The following WDSUB1 variants were observed in gnomAD, a reference collection of about 807,000 sequenced individuals.
WDSUB1 encodes WD repeat, SAM and U-box domain-containing protein 1.
WDSUB1 carries 49 observed loss-of-function variants against 53.9 expected under a neutral mutation model. The ratio of observed to expected loss-of-function variants is 0.91; its 90% confidence interval spans 0.72 to 1.15. The LOEUF is 1.15. WDSUB1 is among the 50% of genes most tolerant of loss of function. WDSUB1 has a pLI of 0.00. For missense variants in WDSUB1, 514 were observed against 562.0 expected (o/e 0.91, Z 0.86); for synonymous variants, 194 against 200.6 (o/e 0.97, Z 0.28).
rs566233010 is a variant in WDSUB1, at chr2:159,255,294, T to C, written c.1132+902A>G. Among the ~76,000 whole-genome samples the C allele has an allele frequency of 1.5e-3, 226 of 151,938 alleles. 1 individual carries two copies. Among genetic ancestry groups the C allele is most frequent in the Middle Eastern group, 0.014 (4 of 292 alleles). On this transcript the variant is annotated intron_variant, in intron 9 of 10. Coordinates refer to ENST00000359774, the MANE Select transcript of WDSUB1 (RefSeq NM_001128212.3). ...CATCCTGGCTAACATGGTGAAACCC[T>C]GTCTTTACTAAAAATATAAAAAATT...
rs777533099 is a variant in WDSUB1 at position 159,283,113 on chromosome 2, AAAGATT to A, written c.-24-26_-24-21del. On this transcript the variant is annotated intron_variant, in intron 1 of 10. Coordinates refer to ENST00000359774, the MANE Select transcript of WDSUB1 (RefSeq NM_001128212.3). ...AACAGCCTGAAATTTTTAAGCAGAT[AAAGATT>A]ATTTATTCTAGGAATCAGATACATG... The A allele has an allele frequency of 1.3e-6, 2 of 1,557,184 alleles. No individual in the cohort carries two copies. The highest frequency in any genetic ancestry group is 2.7e-5 in the African/African-American group (2 of 73,186).
chr2:159,273,680 A>G (rs536312464), intron 4 of WDSUB1, among the ~76,000 whole-genome samples: 1 of 152,292 alleles, frequency 6.6e-6, no homozygotes, highest in South Asian at 2.1e-4. Flanking sequence ...TCAGCCTCCC[A>G]AAGTGCTGGG....
intron 5 of WDSUB1, among the ~76,000 whole-genome samples, chr2:159,266,424 A>G (rs530946873): frequency 3.4e-4 from 51 of 152,226 alleles, no homozygotes; most frequent in Admixed American, 2.6e-3. Flanking sequence ...TCCTGACCTC[A>G]TGATCCGCCC....
chr2:159,248,450 A>G lies in WDSUB1; in HGVS notation c.1195T>C (p.Ser399Pro), dbSNP rs369480601. The G allele has an allele frequency of 6.2e-7, 1 of 1,604,240 alleles. No homozygotes were observed. The highest frequency in any genetic ancestry group is 8.5e-7 in the Non-Finnish European group (1 of 1,176,764). Reference sequence around the variant, plus strand: ...TCATCAGGAATTCCTGAAGAAAGGGATTTAACCTTGGTCCTGAGCTCTTCA... The same window carrying G: ...TCATCAGGAATTCCTGAAGAAAGGGGTTTAACCTTGGTCCTGAGCTCTTCA... ...KIEELRTKVK[S>P]LSSGIPDEFI... is the part of the protein sequence containing the mutation. The change falls in exon 10 of 11, where the codon TCC becomes CCC. Residue 399 changes from serine (S) to proline (P), a missense_variant. Coordinates refer to ENST00000359774, the MANE Select transcript of WDSUB1 (RefSeq NM_001128212.3).
chr2:159,245,688 A>G (rs1318555643), intron 10 of WDSUB1, among the ~76,000 whole-genome samples: 2 of 152,198 alleles, frequency 1.3e-5, no homozygotes, highest in South Asian at 2.1e-4. Context: ...TGATTTCTCA[A>G]TAAGTGATGC....
chr2:159,259,215 A>G (rs1206725635), intron 6 of WDSUB1, among the ~76,000 whole-genome samples: 4 of 151,970 alleles, frequency 2.6e-5, no homozygotes, highest in Admixed American at 2.6e-4. Context: ...GGTAGAGATG[A>G]GGTTTCACCA....
Position 159,268,321 on chromosome 2 carries a change from A to T in WDSUB1, c.770+3381T>A, listed in dbSNP as rs182076448. Among the ~76,000 whole-genome samples the T allele has an allele frequency of 3.9e-3, 570 of 146,310 alleles. 6 individuals are homozygous for T. The highest frequency in any genetic ancestry group is 0.013 in the African/African-American group (543 of 41,410). On this transcript the variant is annotated intron_variant, in intron 5 of 10. Coordinates refer to ENST00000359774, the MANE Select transcript of WDSUB1 (RefSeq NM_001128212.3). ...TGGGCACATAATCATTCTGTCAGCTAACCTGTCCCCTAACACAGCAGACAG... is the reference window on the plus strand; with the variant it reads ...TGGGCACATAATCATTCTGTCAGCTTACCTGTCCCCTAACACAGCAGACAG...
intron 2 of WDSUB1, among the ~76,000 whole-genome samples, chr2:159,282,012 A>T (rs926755144): frequency 6.6e-6 from 1 of 152,156 alleles, no homozygotes; most frequent in Non-Finnish European, 1.5e-5. Flanking sequence ...CACAAGTGAC[A>T]AAAATAAAGC....
At chr2:159,262,445 T>A (rs1004386084) in intron 5 of WDSUB1, among the ~76,000 whole-genome samples, 8 of 151,852 alleles carry the variant, frequency 5.3e-5, no homozygotes, top group Non-Finnish European at 1.0e-4. Context: ...CACTTGCTGA[T>A]GAGGTATAAA....
At chr2:159,280,117 G>T (rs1241145646) in intron 2 of WDSUB1, among the ~76,000 whole-genome samples, 172 bp from the exon 3 acceptor site, 1 of 152,156 alleles carries the variant, frequency 6.6e-6, no homozygotes, top group Non-Finnish European at 1.5e-5. Context: ...GCTATGAACT[G>T]AGATATACTG....
Position 159,271,713 on chromosome 2 carries a change from C to A in WDSUB1, c.759G>T (p.Met253Ile). 1.2e-6 allele frequency: 2 copies of A among 1,613,998 alleles called. No homozygotes were observed. Among genetic ancestry groups the A allele is most frequent in the Non-Finnish European group, 1.7e-6 (2 of 1,179,886 alleles). Residue 253 changes from methionine to isoleucine, a missense_variant, in exon 5 of 11, where the codon ATG becomes ATT. Met to Ile is a conservative substitution (Grantham distance 10). Transcript: ENST00000359774. ...LACAFSHDGQ[M>I]LVSGSVDKSV... ...ACCAACTAGCTTACCCTGAGACTAG[C>A]ATCTGCCCATCATGGGAAAAAGCAC... is the stretch of plus-strand genomic sequence containing the variant.
chr2:159,269,675 C>T (rs555004459), intron 5 of WDSUB1, among the ~76,000 whole-genome samples: 1 of 152,060 alleles, frequency 6.6e-6, no homozygotes, highest in Non-Finnish European at 1.5e-5. Flanking sequence ...CAATAATATA[C>T]CCTAAAATTT....
intron 10 of WDSUB1, among the ~76,000 whole-genome samples, chr2:159,244,805 T>C (rs1177984447): frequency 2.6e-5 from 4 of 152,030 alleles, no homozygotes; most frequent in Non-Finnish European, 4.4e-5. Context: ...TAGTAGGTGT[T>C]TGTGGTTCCA....
At chr2:159,282,120 C>T (rs1049841651) in intron 2 of WDSUB1, among the ~76,000 whole-genome samples, 6 of 151,542 alleles carry the variant, frequency 4.0e-5, no homozygotes, top group East Asian at 1.9e-4. Flanking sequence ...TTAAGATTGG[C>T]GCTAAGCAAA....
At chr2:159,246,165 G>C (rs2060790678) in intron 10 of WDSUB1, among the ~76,000 whole-genome samples, 1 of 152,182 alleles carries the variant, frequency 6.6e-6, no homozygotes, top group Admixed American at 6.5e-5. Flanking sequence ...GGGTACAGTG[G>C]CTCACGCCTG....
chr2:159,248,422 A>AAT lies in WDSUB1; in HGVS notation c.1221_1222dup (p.Phe408TyrfsTer6). On this transcript the variant is annotated frameshift_variant, in exon 10 of 11. Coordinates refer to ENST00000359774, the MANE Select transcript of WDSUB1 (RefSeq NM_001128212.3). LOFTEE classifies it high-confidence loss of function. ...AAGTTCTCTAGTTATTGGACATATA[A>AAT]ATTCATCAGGAATTCCTGAAGAAAG... The AAT allele has an allele frequency of 6.2e-7, 1 of 1,610,646 alleles. No homozygotes were observed.
chr2:159,276,969 CACTCTAGCCTGGATGACGGAGCAAG>C (rs1204410972), intron 3 of WDSUB1, among the ~76,000 whole-genome samples: 1 of 152,160 alleles, frequency 6.6e-6, no homozygotes, highest in East Asian at 1.9e-4. Flanking sequence ...CACACCACTG[CACTCTAGCCTGGATGACGGAGCAAG>C]ACCCTGTCAC....
Position 159,235,934 on chromosome 2 carries a change from CT to C in WDSUB1, c.*98del. 2 of 1,169,054 alleles carry C rather than the reference CT, an allele frequency of 1.7e-6. No homozygotes were observed. Among genetic ancestry groups the C allele is most frequent in the Non-Finnish European group, 2.2e-6 (2 of 896,192 alleles). The allele number at this position is 1,169,054 out of a possible 1,614,324, so 72.4% of individuals were successfully genotyped here. On this transcript the variant is annotated 3_prime_UTR_variant, in exon 11 of 11. Coordinates refer to ENST00000359774, the MANE Select transcript of WDSUB1 (RefSeq NM_001128212.3). Reference sequence around the variant, plus strand: ...AGGTAACTAAATTTAAGAAGTTTACCTTTTTCCTGTTTTGCTTTTAATAATG... The same window carrying C: ...AGGTAACTAAATTTAAGAAGTTTACCTTTTCCTGTTTTGCTTTTAATAATG...
chr2:159,270,302 C>A (rs2061422354), intron 5 of WDSUB1, among the ~76,000 whole-genome samples: 2 of 152,142 alleles, frequency 1.3e-5, no homozygotes, highest in African/African-American at 4.8e-5. Context: ...ATAAAGATGT[C>A]AATTCTCCCC....
Sources: gnomAD v4.1 joint callset for allele counts (sites outside exome capture counted in the v4.1 genomes callset) on GRCh38, gnomAD v4.1.1 for gene constraint, MANE v1.5 for transcripts, NCBI Gene and HGNC (gene_info 2026-07-23, HGNC 2026-07-21) for gene names.